The following DNHD1 variants were observed in gnomAD, a reference collection of about 807,000 sequenced individuals.
DNHD1 encodes the protein dynein heavy chain domain-containing protein 1.
A neutral mutation model predicts 458.1 loss-of-function variants in DNHD1; 383 were observed. The observed-to-expected ratio is 0.84, with a 90% CI of 0.77 to 0.91. DNHD1 has a LOEUF of 0.91. DNHD1 is among the 40% of genes least tolerant of loss of function. The pLI, the probability that DNHD1 is intolerant of heterozygous loss-of-function variation, is 0.00. For synonymous variants in DNHD1, 2,203 were observed against 2,376.9 expected (o/e 0.93, Z 2.13); for missense variants, 5,336 against 5,866.1 (o/e 0.91, Z 2.95).
intron 12 of DNHD1, among the ~76,000 whole-genome samples, chr11:6,531,671 C>G (rs927406068): frequency 6.6e-6 from 1 of 152,146 alleles, no homozygotes. Context: ...TAGGCTTCCT[C>G]TCAGCAGGTT....
rs1322202177 is a variant in DNHD1 at position 6,502,826 on chromosome 11, T to G, written c.820T>G (p.Ser274Ala). Residue 274 changes from serine (S) to alanine (A), a missense_variant, in exon 4 of 43, where the codon TCC (serine) becomes GCC (alanine). By Grantham distance (99) the Ser-to-Ala change is moderately conservative (BLOSUM62 1). Coordinates refer to ENST00000254579, the MANE Select transcript of DNHD1 (RefSeq NM_144666.3). ...CAGCACCGGCTTTTCACCTGAGACT[T>G]CCTTCCTGGATAGCCAGGTGATGAC... Reference protein sequence around the residue: ...KSSTGFSPETSFLDSQVMTAL... With the variant: ...KSSTGFSPETAFLDSQVMTAL... 6.2e-7 allele frequency: 1 copy of G among 1,613,026 alleles called. No homozygotes were observed. The highest frequency in any genetic ancestry group is 1.1e-5 in the South Asian group (1 of 90,814).
In DNHD1 at chr11:6,557,980, T is replaced by C; in HGVS notation, c.8685T>C (p.Thr2895=). The C allele has an allele frequency of 1.3e-6, 2 of 1,551,660 alleles. No individual in the cohort carries two copies. The highest frequency in any genetic ancestry group is 1.4e-5 in the African/African-American group (1 of 73,148). ...HGLLLSGALG[T]GRHTAITLAS... ...TGCTGCTCTCGGGGGCTCTGGGTAC[T>C]GGGCGCCACACTGCCATCACTCTGG... The change falls in exon 25 of 43, where the codon ACT becomes ACC. Residue 2895 remains threonine, a synonymous_variant. Coordinates refer to ENST00000254579, the MANE Select transcript of DNHD1 (RefSeq NM_144666.3).
At position 6,570,323 on chromosome 11, in the gene DNHD1, G is replaced by C. The variant is rs948142851; in HGVS notation, c.13032G>C (p.Leu4344=). 6.2e-7 allele frequency: 1 copy of C among 1,613,256 alleles called. No individual in the cohort carries two copies. Among genetic ancestry groups the C allele is most frequent in the Admixed American group, 1.7e-5 (1 of 59,876 alleles). Residue 4344 remains leucine (L), a synonymous_variant, in exon 41 of 43, where the codon CTG becomes CTC. Transcript: ENST00000254579. Reference sequence around the variant, plus strand: ...TGATTAGCCTCACACAAGCCTGCCTGAGCCCCAGTAGTGGGAGCTGGGTCC... The same window carrying C: ...TGATTAGCCTCACACAAGCCTGCCTCAGCCCCAGTAGTGGGAGCTGGGTCC... ...EALISLTQAC[L]SPSSGSWVQP...
chr11:6,558,924 C>T lies in DNHD1; in HGVS notation c.9234C>T (p.Leu3078=). 6.4e-7 allele frequency: 1 copy of T among 1,551,700 alleles called. No individual in the cohort carries two copies. Among genetic ancestry groups the T allele is most frequent in the Non-Finnish European group, 8.7e-7 (1 of 1,147,002 alleles). The stretch of plus-strand genomic sequence containing the variant: ...CAGGCTCCTGGAAGTACCCAGACCT[C>T]CAGGCCTCAATTCCCAGTGTGGCCA... ...LDDGSWKYPD[L]QASIPSVAKA... The change falls in exon 27 of 43, where the codon CTC becomes CTT. Residue 3078 remains leucine (L), a synonymous_variant. Coordinates refer to ENST00000254579, the MANE Select transcript of DNHD1 (RefSeq NM_144666.3).
In DNHD1 at chr11:6,544,952, T is replaced by C. The variant is rs1259781686; in HGVS notation, c.4013T>C (p.Leu1338Pro). 17 of 1,551,732 alleles carry C rather than the reference T, an allele frequency of 1.1e-5. No individual in the cohort carries two copies. The highest frequency in any genetic ancestry group is 1.4e-5 in the Non-Finnish European group (16 of 1,146,980). Reference protein sequence around the residue: ...QQLLQAGSVELEGIIMSLESV... With the variant: ...QQLLQAGSVEPEGIIMSLESV... ...CTGCTGCAAGCAGGATCGGTGGAGC[T>C]GGAGGGCATCATCATGAGTCTGGAG... Residue 1338 changes from leucine to proline, a missense_variant, in exon 21 of 43, where the codon CTG becomes CCG. Physicochemically the swap from Leu to Pro is moderately conservative, Grantham distance 98. Around this residue, in one of 4 missense-constraint regions of DNHD1, gnomAD observed 3,932 missense variants for 4,365.6 expected, o/e 0.90. Coordinates refer to ENST00000254579, the MANE Select transcript of DNHD1 (RefSeq NM_144666.3).
At chr11:6,544,300 C>A (rs1253366206) in intron 19 of DNHD1, 54 bp downstream of exon 19, 2 of 1,547,228 alleles carry the variant, frequency 1.3e-6, no homozygotes, top group Non-Finnish European at 1.7e-6. Context: ...CAGGATGTCC[C>A]AGAGGGATGG....
At position 6,529,024 on chromosome 11, in the gene DNHD1, G is replaced by T. The variant is rs1589876475; in HGVS notation, c.2250G>T (p.Leu750=). The part of the protein sequence containing the change: ...IKNYVTLVSR[L]NVWQARVSSM... ...ACTACGTGACGCTGGTGAGCCGCCT[G>T]AATGTTTGGCAGGCCCGTGTCTCCA... Residue 750 remains leucine, a synonymous_variant, in exon 12 of 43, where the codon CTG becomes CTT. Coordinates refer to ENST00000254579, the MANE Select transcript of DNHD1 (RefSeq NM_144666.3). The T allele has an allele frequency of 6.4e-7, 1 of 1,551,412 alleles. No individual in the cohort carries two copies. The highest frequency in any genetic ancestry group is 2.0e-5 in the Admixed American group (1 of 51,010).
Position 6,571,827 on chromosome 11 carries a change from CCTGA to C in DNHD1, c.14107_14110del (p.Thr4703CysfsTer23), listed in dbSNP as rs748906694. The C allele has an allele frequency of 6.8e-6, 11 of 1,614,026 alleles. No homozygotes were observed. The highest frequency in any genetic ancestry group is 1.6e-4 in the Middle Eastern group (1 of 6,062). On this transcript the variant is annotated frameshift_variant, in exon 43 of 43. Transcript: ENST00000254579. LOFTEE classifies it high-confidence loss of function. This position sits in a 1 kb window ranked among gnomAD's most constrained non-coding sequence, Gnocchi z 5.0. ...CCAGTGACCTGCCAGCCCCAGCCGA[CCTGA>C]CTGTGTACTCGTGTCCTGTGTACAT...
At chr11:6,506,750 T>C (rs966177405) in intron 4 of DNHD1, among the ~76,000 whole-genome samples, 12 of 152,318 alleles carry the variant, frequency 7.9e-5, no homozygotes, top group African/African-American at 2.4e-4. Context: ...CAATCTCCCT[T>C]TGCCTGTTCT....
intron 7 of DNHD1, among the ~76,000 whole-genome samples, chr11:6,515,873 C>T (rs1324391370): frequency 6.6e-6 from 1 of 151,368 alleles, no homozygotes; most frequent in Non-Finnish European, 1.5e-5. Context: ...CAACCTCCAC[C>T]CCCTTGGGCT....
intron 25 of DNHD1, 46 bp downstream of exon 25, chr11:6,558,343 G>A: frequency 5.9e-6 from 9 of 1,537,012 alleles, no homozygotes; most frequent in Non-Finnish European, 7.0e-6. Flanking sequence ...CTCTTACGCT[G>A]TCTTGGCCAA....
intron 4 of DNHD1, among the ~76,000 whole-genome samples, chr11:6,506,345 C>T (rs61491463): frequency 0.027 from 4,177 of 152,240 alleles, 190 homozygotes; most frequent in African/African-American, 0.095. Flanking sequence ...TTTGGGGTCT[C>T]GACCCAAAGG....
intron 4 of DNHD1, chr11:6,503,604 C>T (rs917803148): frequency 1.3e-5 from 2 of 152,234 alleles, no homozygotes; most frequent in African/African-American, 4.8e-5. Context: ...TCACTTCAGC[C>T]TCCTGAGTAG....
chr11:6,546,409 C>A lies in DNHD1; in HGVS notation c.5470C>A (p.Pro1824Thr), dbSNP rs1416210741. The change falls in exon 21 of 43, where the codon CCT (proline) becomes ACT (threonine). Residue 1824 changes from proline (P) to threonine (T), a missense_variant. This residue lies in a region of DNHD1 where 3,932 missense variants were observed against 4,365.6 expected (regional missense o/e 0.90). Coordinates refer to ENST00000254579, the MANE Select transcript of DNHD1 (RefSeq NM_144666.3). The part of the protein sequence containing the change: ...VPANLHLLLR[P>T]VALALPDLRQ... ...TGCCAACCTGCACCTGCTGCTGCGG[C>A]CTGTGGCATTGGCATTGCCTGATCT... 6.4e-7 allele frequency: 1 copy of A among 1,552,012 alleles called. No individual in the cohort carries two copies. Among genetic ancestry groups the A allele is most frequent in the Admixed American group, 2.0e-5 (1 of 51,014 alleles).
intron 7 of DNHD1, among the ~76,000 whole-genome samples, chr11:6,513,368 C>T (rs1852386398): frequency 6.6e-6 from 1 of 152,196 alleles, no homozygotes; most frequent in Non-Finnish European, 1.5e-5. Flanking sequence ...GTGCCTCTTT[C>T]ATTGATACCC....
At position 6,546,819 on chromosome 11, in the gene DNHD1, G is replaced by A. The variant is rs139451595; in HGVS notation, c.5880G>A (p.Leu1960=). 5 of 1,551,858 alleles carry A rather than the reference G, an allele frequency of 3.2e-6. No individual in the cohort carries two copies. Among genetic ancestry groups the A allele is most frequent in the Non-Finnish European group, 4.4e-6 (5 of 1,147,038 alleles). The change falls in exon 21 of 43, where the codon CTG becomes CTA. Residue 1960 remains leucine (L), a synonymous_variant. Coordinates refer to ENST00000254579, the MANE Select transcript of DNHD1 (RefSeq NM_144666.3). The part of the protein sequence containing the change: ...KLMKPLVVEE[L]QQVGLDPSPD... ...TGAAGCCATTGGTGGTGGAGGAACT[G>A]CAACAGGTAGGTCTGGATCCCAGCC... is the stretch of plus-strand genomic sequence containing the variant.
chr11:6,538,887 C>G, intron 16 of DNHD1, 77 bp downstream of exon 16: 1 of 1,316,504 alleles, frequency 7.6e-7, no homozygotes, highest in Non-Finnish European at 1.0e-6. Flanking sequence ...CAGTTTCCTG[C>G]TGCTCCTGCT....
In DNHD1 at chr11:6,563,030, A is replaced by T. The variant is rs1156639618; in HGVS notation, c.9568A>T (p.Lys3190Ter). 6.4e-7 allele frequency: 1 copy of T among 1,551,694 alleles called. No homozygotes were observed. ...GCTAGAGCAAAGCAAGCTCCTATAC[A>T]AGCAGCAGCTGGAAGAGTGTCGGCA... ...QQLEQSKLLYKQQLEECRHQE... is the reference protein window; with the variant it reads ...QQLEQSKLLY Residue 3190 changes from lysine to a stop codon, truncating the protein, a stop_gained, in exon 29 of 43, where the codon AAG becomes TAG. Transcript: ENST00000254579. LOFTEE classifies it high-confidence loss of function.
At position 6,520,374 on chromosome 11, in the gene DNHD1, G is replaced by A. The variant is rs139049182; in HGVS notation, c.1837+85G>A. 1,138 of 1,548,954 alleles carry A rather than the reference G, an allele frequency of 7.3e-4. 5 individuals are homozygous for A. Among genetic ancestry groups the A allele is most frequent in the Middle Eastern group, 7.2e-4 (4 of 5,552 alleles). On this transcript the variant is annotated intron_variant, in intron 10 of 42. Transcript: ENST00000254579. ...CTAATGGCATGGGAAGAAGGCAGGAGGTCCAGGCTATAGAGTCAGGCACTG... is the reference window on the plus strand; with the variant it reads ...CTAATGGCATGGGAAGAAGGCAGGAAGTCCAGGCTATAGAGTCAGGCACTG...
Sources: allele counts gnomAD v4.1 joint callset (sites outside exome capture counted in the v4.1 genomes callset), GRCh38; gene constraint gnomAD v4.1.1; regional missense constraint gnomAD v4.1.1; non-coding constraint Gnocchi (gnomAD v3.1); transcripts MANE v1.5; gene names NCBI Gene and HGNC (gene_info 2026-07-23, HGNC 2026-07-21).